The following MTOR variants were observed in gnomAD, a reference collection of about 807,000 sequenced individuals.
The protein encoded by MTOR is serine/threonine-protein kinase mTOR.
In MTOR, 70 loss-of-function variants were observed where a neutral mutation model predicts 319.8. The ratio of observed to expected loss-of-function variants is 0.22; its 90% CI spans 0.18 to 0.27. MTOR has a LOEUF of 0.27. Ranked by LOEUF, MTOR falls within the 10% of genes least tolerant of loss-of-function variation. The pLI is 1.00. For missense variants in MTOR, 1,890 were observed against 3,274.4 expected, an observed-to-expected ratio of 0.58 and a Z score of 10.32; for synonymous variants, 1,183 against 1,211.4, an observed-to-expected ratio of 0.98 and a Z score of 0.49.
intron 29 of MTOR, among the ~76,000 whole-genome samples, chr1:11,165,278 C>A (rs1390125918): frequency 1.6e-5 from 2 of 124,504 alleles, no homozygotes; most frequent in Non-Finnish European, 3.1e-5. Context: ...AAATAAAAGG[C>A]AATTAGGAAA....
intron 28 of MTOR, among the ~76,000 whole-genome samples, chr1:11,191,524 C>T (rs1645530161): frequency 6.6e-6 from 1 of 152,050 alleles, no homozygotes; most frequent in Non-Finnish European, 1.5e-5. Flanking sequence ...ATAGTAAGGG[C>T]CGCAGTCTCT....
In MTOR at chr1:11,130,910, A is replaced by T. The variant is rs2100435543; in HGVS notation, c.5365-133T>A. Reference sequence around the variant, plus strand: ...TGTCCATAAAGCAAACACTTCAAGGAGACACTCAGAAATGGCTGTTTTACT... The same window carrying T: ...TGTCCATAAAGCAAACACTTCAAGGTGACACTCAGAAATGGCTGTTTTACT... On this transcript the variant is annotated intron_variant, in intron 38 of 57. Coordinates refer to ENST00000361445, the MANE Select transcript of MTOR (RefSeq NM_004958.4). The T allele has an allele frequency of 3.4e-6, 4 of 1,183,288 alleles. No homozygotes were observed. In the East Asian group the frequency reaches 1.0e-4, roughly 30 times the overall value. 73.3% of individuals were successfully genotyped at this position (1,183,288 alleles called of 1,614,324 possible).
At chr1:11,260,780 T>C (rs1651009447) in intron 1 of MTOR, among the ~76,000 whole-genome samples, 1 of 151,838 alleles carries the variant, frequency 6.6e-6, no homozygotes, top group Non-Finnish European at 1.5e-5. Flanking sequence ...AATGTCAATT[T>C]GGACTAGTCA....
intron 52 of MTOR, 174 bp from the exon 53 acceptor site, chr1:11,114,627 G>A (rs781059611): frequency 1.1e-4 from 116 of 1,058,492 alleles, no homozygotes; most frequent in Admixed American, 3.8e-4. Context: ...AGGAAACCAG[G>A]TCAGAAGTGA....
chr1:11,168,184 T>C (rs917379130), intron 28 of MTOR, among the ~76,000 whole-genome samples: 2 of 151,716 alleles, frequency 1.3e-5, no homozygotes, highest in Non-Finnish European at 2.9e-5. Flanking sequence ...CCTGTTGTAG[T>C]ACACAATCAT....
At chr1:11,227,540 GAAT>G in intron 19 of MTOR, among the ~76,000 whole-genome samples, 1 of 152,048 alleles carries the variant, frequency 6.6e-6, no homozygotes, top group Non-Finnish European at 1.5e-5. Context: ...TGTATTCTAA[GAAT>G]AACAGGAACT....
intron 26 of MTOR, among the ~76,000 whole-genome samples, chr1:11,200,182 T>A (rs1645915672): frequency 6.6e-6 from 1 of 152,198 alleles, no homozygotes; most frequent in African/African-American, 2.4e-5. Flanking sequence ...AAAATAATAA[T>A]CATTAAATGA....
chr1:11,139,734 C>T, intron 34 of MTOR, 76 bp from the exon 35 acceptor site: 1 of 1,579,136 alleles, frequency 6.3e-7, no homozygotes, highest in South Asian at 1.1e-5. Context: ...CTCTGTCGCC[C>T]AGGCTGGAGT....
intron 30 of MTOR, among the ~76,000 whole-genome samples, chr1:11,151,205 G>A (rs1257025288): frequency 6.6e-6 from 1 of 152,170 alleles, no homozygotes; most frequent in East Asian, 1.9e-4. Context: ...CCAAGAAGCT[G>A]ACTGTGGACC....
intron 25 of MTOR, among the ~76,000 whole-genome samples, chr1:11,206,336 A>G (rs1646137364): frequency 6.6e-6 from 1 of 152,244 alleles, no homozygotes; most frequent in Admixed American, 6.5e-5. Context: ...TAAGGCAGAG[A>G]CAATTCAACA....
chr1:11,247,439 G>A (rs1170439637), intron 8 of MTOR, among the ~76,000 whole-genome samples, 186 bp downstream of exon 8: 1 of 152,190 alleles, frequency 6.6e-6, no homozygotes, highest in African/African-American at 2.4e-5. Context: ...TGTTCTGATT[G>A]TTCCTGTGTC....
rs753767499 is a variant in MTOR, at chr1:11,127,988, A to G, written c.6033+16T>C. 18 of 1,613,156 alleles carry G rather than the reference A, an allele frequency of 1.1e-5. No individual in the cohort carries two copies. In the South Asian group the frequency reaches 1.6e-4, roughly 15 times the overall value. On this transcript the variant is annotated intron_variant, in intron 43 of 57. Transcript: ENST00000361445. The surrounding 1 kb of genome is among the most constrained non-coding windows in gnomAD (Gnocchi z 5.5). The stretch of plus-strand genomic sequence containing the variant: ...GGGACCAGGGTCTATGAAGCCCCAC[A>G]GTGGCTCCGACCCACCATCATGGCC...
rs754132877 is a variant in MTOR, at chr1:11,194,543, G to A, written c.4253+4715C>T. The A allele has an allele frequency of 4.3e-6, 7 of 1,614,038 alleles. No homozygotes were observed. The East Asian group carries it at 1.3e-4, about 31-fold the overall frequency. On this transcript the variant is annotated intron_variant, in intron 28 of 57. Transcript: ENST00000361445. The stretch of plus-strand genomic sequence containing the variant: ...CTCAACAGCTATCGCCTCTTCCTGG[G>A]GAACTACACTGGCAATGTGGGGAAC...
At chr1:11,232,593 G>A in intron 15 of MTOR, 65 bp from the exon 16 acceptor site, 2 of 1,400,904 alleles carry the variant, frequency 1.4e-6, no homozygotes, top group South Asian at 1.2e-5. Context: ...GTATTTTGGA[G>A]GCCGGGCACG....
At chr1:11,167,348 A>G in intron 29 of MTOR, 94 bp downstream of exon 29, 1 of 965,616 alleles carries the variant, frequency 1.0e-6, no homozygotes, top group Non-Finnish European at 1.6e-6. Flanking sequence ...TGGAGAAAAA[A>G]CAGAAAAGGA....
intron 28 of MTOR, among the ~76,000 whole-genome samples, chr1:11,183,443 A>G (rs1645220785): frequency 6.6e-6 from 1 of 151,980 alleles, no homozygotes; most frequent in Admixed American, 6.6e-5. Flanking sequence ...TCTTTTACCA[A>G]TCTTTTTATT....
rs757434559 is a variant in MTOR at position 11,126,815 on chromosome 1, G to C, written c.6352-19C>G. ...ATGTGAGCTGTAAATAATTACCAAA[G>C]GATTTAGTGTTCTGCCTCCAGGGAA... On this transcript the variant is annotated intron_variant, in intron 45 of 57. Transcript: ENST00000361445. The C allele has an allele frequency of 1.2e-6, 2 of 1,610,420 alleles. No homozygotes were observed. The highest frequency in any genetic ancestry group is 2.7e-5 in the African/African-American group (2 of 74,772).
At chr1:11,204,202 T>C (rs1029508841) in intron 26 of MTOR, among the ~76,000 whole-genome samples, 2 of 152,240 alleles carry the variant, frequency 1.3e-5, no homozygotes, top group African/African-American at 4.8e-5. Context: ...ATAACTGTTA[T>C]TGTTTCAGAC....
intron 28 of MTOR, among the ~76,000 whole-genome samples, chr1:11,168,069 C>CAA (rs879426734): frequency 4.5e-5 from 5 of 110,176 alleles, no homozygotes; most frequent in East Asian, 5.2e-4. Context: ...GACACTGTCT[C>CAA]AAAAAAAAAA....
Sources: allele counts gnomAD v4.1 joint callset (sites outside exome capture counted in the v4.1 genomes callset), GRCh38; gene constraint gnomAD v4.1.1; non-coding constraint Gnocchi (gnomAD v3.1); transcripts MANE v1.5; gene names NCBI Gene and HGNC (gene_info 2026-07-23, HGNC 2026-07-21).